Variants in FAM168B observed in about 807,000 individuals in gnomAD.
The protein encoded by FAM168B is family with sequence similarity 168 member B, also known as myelin-associated neurite-outgrowth inhibitor.
In FAM168B, 19 loss-of-function variants were observed where a neutral mutation model predicts 21.8. That is an observed-to-expected ratio of 0.87 (90% confidence interval 0.61 to 1.28). FAM168B has a LOEUF of 1.28. Among genes scored for constraint, FAM168B ranks in the 50% most tolerant of loss-of-function variants. FAM168B has a pLI of 0.00. For missense variants in FAM168B, 233 were observed against 263.1 expected (o/e 0.89, Z 0.79); for synonymous variants, 126 against 104.8 (o/e 1.20, Z -1.24).
intron 3 of FAM168B, among the ~76,000 whole-genome samples, chr2:131,067,951 C>T (rs892010630): frequency 2.0e-5 from 3 of 152,104 alleles, no homozygotes; most frequent in Non-Finnish European, 4.4e-5. Context: ...TGGGATGCTG[C>T]GTTGGGAAAA....
In FAM168B at chr2:131,048,605, T is replaced by G. The variant is rs1005966601; in HGVS notation, c.*3860A>C. The G allele has an allele frequency of 9.2e-7, 1 of 1,088,438 alleles. No individual in the cohort carries two copies. The highest frequency in any genetic ancestry group is 1.1e-6 in the Non-Finnish European group (1 of 888,044). The allele number at this position is 1,088,438 out of a possible 1,614,324, so 67.4% of individuals were successfully genotyped here. ...CCACATACCCCAACTTCTGTGTTAC[T>G]TGGTCAGTTGAGCCCCTGGAGCCCT... is the stretch of plus-strand genomic sequence containing the variant. On this transcript the variant is annotated 3_prime_UTR_variant, in exon 7 of 7. Transcript: ENST00000389915.
intron 1 of FAM168B, among the ~76,000 whole-genome samples, chr2:131,091,242 G>A (rs1318330436): frequency 7.2e-5 from 11 of 152,144 alleles, no homozygotes; most frequent in Non-Finnish European, 1.5e-4. Flanking sequence ...CGGAGGCTGA[G>A]GCAGGAGAAT....
intron 3 of FAM168B, among the ~76,000 whole-genome samples, chr2:131,066,345 T>G (rs1489548451): frequency 6.6e-6 from 1 of 151,990 alleles, no homozygotes; most frequent in Non-Finnish European, 1.5e-5. Flanking sequence ...CCGGCTAATT[T>G]TCTGTATTTT....
chr2:131,066,241 G>T (rs543981191), intron 3 of FAM168B, among the ~76,000 whole-genome samples: 2 of 148,226 alleles, frequency 1.3e-5, no homozygotes, highest in African/African-American at 2.5e-5. Context: ...TCTCGATCTC[G>T]ACTCACTCAC....
intron 2 of FAM168B, 107 bp from the exon 3 acceptor site, chr2:131,072,045 C>T: frequency 2.2e-6 from 2 of 916,716 alleles, no homozygotes; most frequent in Non-Finnish European, 3.5e-6. Context: ...ACTCCACAGA[C>T]TTAAGCAGCC....
intron 2 of FAM168B, among the ~76,000 whole-genome samples, chr2:131,079,927 G>A (rs189738393): frequency 1.2e-4 from 19 of 152,184 alleles, no homozygotes; most frequent in African/African-American, 4.1e-4. Context: ...GATCAGCCTG[G>A]CCAATATGGC....
intron 1 of FAM168B, among the ~76,000 whole-genome samples, chr2:131,088,819 TA>T (rs1405736843): frequency 6.6e-6 from 1 of 152,218 alleles, no homozygotes; most frequent in Non-Finnish European, 1.5e-5. Flanking sequence ...CAATTCTGCA[TA>T]ATGCAAAACT....
chr2:131,066,054 A>C (rs998745130), intron 3 of FAM168B, among the ~76,000 whole-genome samples: 3 of 151,986 alleles, frequency 2.0e-5, no homozygotes, highest in Non-Finnish European at 4.4e-5. Flanking sequence ...ATACACTACC[A>C]AACTGCCCTC....
Position 131,048,568 on chromosome 2 carries a change from G to A in FAM168B, c.*3897C>T, listed in dbSNP as rs867070513. ...AAACTTTCTGAAACATGCAGTTTCC[G>A]ACCCAAATAGGCCACATACCCCAAC... On this transcript the variant is annotated 3_prime_UTR_variant, in exon 7 of 7. Coordinates refer to ENST00000389915, the MANE Select transcript of FAM168B (RefSeq NM_001009993.4). 33 of 1,108,712 alleles carry A rather than the reference G, an allele frequency of 3.0e-5. 1 individual carries two copies. In the African/African-American group the frequency reaches 4.9e-4, roughly 16 times the overall value. The allele number at this position is 1,108,712 out of a possible 1,614,324, so 68.7% of individuals were successfully genotyped here.
At chr2:131,065,794 A>G (rs1167599559) in intron 3 of FAM168B, among the ~76,000 whole-genome samples, 2 of 150,234 alleles carry the variant, frequency 1.3e-5, no homozygotes, top group East Asian at 3.9e-4. Flanking sequence ...AGCTCAAAAA[A>G]AAAAGAAAAA....
At chr2:131,090,512 T>C (rs1188450163) in intron 1 of FAM168B, among the ~76,000 whole-genome samples, 2 of 152,046 alleles carry the variant, frequency 1.3e-5, no homozygotes, top group African/African-American at 4.8e-5. Context: ...GAAACACCAA[T>C]ATACAAGATA....
At chr2:131,062,555 C>T (rs1456495103) in intron 3 of FAM168B, among the ~76,000 whole-genome samples, 1 of 152,192 alleles carries the variant, frequency 6.6e-6, no homozygotes, top group Admixed American at 6.5e-5. Flanking sequence ...TCAAGCGATT[C>T]TTCTACCTCA....
At chr2:131,083,355 AAAAACAAAAC>A (rs1007579795) in intron 1 of FAM168B, among the ~76,000 whole-genome samples, 3 of 152,144 alleles carry the variant, frequency 2.0e-5, no homozygotes, top group Non-Finnish European at 4.4e-5. Context: ...TCCGTCTCAA[AAAAACAAAAC>A]AAAACAAAAC....
intron 3 of FAM168B, among the ~76,000 whole-genome samples, chr2:131,070,759 A>C (rs1692833256): frequency 1.3e-5 from 2 of 151,944 alleles, no homozygotes; most frequent in Admixed American, 1.3e-4. Context: ...ACACTACGAG[A>C]TGGATGGTTC....
intron 3 of FAM168B, among the ~76,000 whole-genome samples, chr2:131,057,298 A>G (rs1692074929): frequency 6.6e-6 from 1 of 152,242 alleles, no homozygotes; most frequent in South Asian, 2.1e-4. Flanking sequence ...TCAACTGGAG[A>G]AAGGATAAAT....
chr2:131,071,288 C>G (rs1473150581), intron 3 of FAM168B, among the ~76,000 whole-genome samples: 5 of 152,120 alleles, frequency 3.3e-5, no homozygotes, highest in Admixed American at 2.0e-4. Flanking sequence ...AAAGGCAAAG[C>G]CCCGTGTGGG....
At chr2:131,086,237 A>G (rs1693693867) in intron 1 of FAM168B, among the ~76,000 whole-genome samples, 1 of 152,132 alleles carries the variant, frequency 6.6e-6, no homozygotes, top group Non-Finnish European at 1.5e-5. Flanking sequence ...ATATTTCCCA[A>G]ATGTTATTTC....
intron 1 of FAM168B, among the ~76,000 whole-genome samples, chr2:131,089,284 G>A (rs1693885669): frequency 6.6e-6 from 1 of 151,388 alleles, no homozygotes; most frequent in African/African-American, 2.4e-5. Context: ...CACATTTTTA[G>A]TTTCCCATTT....
At chr2:131,053,237 G>C (rs1480920644) in intron 5 of FAM168B, among the ~76,000 whole-genome samples, 1 of 152,214 alleles carries the variant, frequency 6.6e-6, no homozygotes, top group Non-Finnish European at 1.5e-5. Context: ...AAAGCCTTTT[G>C]TGTGTCCCCT....
Sources: allele counts gnomAD v4.1 joint callset (sites outside exome capture counted in the v4.1 genomes callset), GRCh38; gene constraint gnomAD v4.1.1; transcripts MANE v1.5; gene names NCBI Gene and HGNC (gene_info 2026-07-23, HGNC 2026-07-21).